Variants in GRIK1 observed in about 807,000 individuals in gnomAD.
The protein encoded by GRIK1 is glutamate ionotropic receptor kainate type subunit 1.
GRIK1 carries 69 observed loss-of-function variants against 105.7 expected under a neutral mutation model. The ratio of observed to expected loss-of-function variants is 0.65; its 90% CI spans 0.54 to 0.80. The LOEUF (loss-of-function observed/expected upper bound fraction) is 0.80. GRIK1 is among the 30% of genes least tolerant of loss of function. The pLI is 0.00. For missense variants in GRIK1, 1,109 were observed against 1,167.3 expected (o/e 0.95, Z 0.73); for synonymous variants, 438 against 431.3 (o/e 1.02, Z -0.19).
chr21:29,596,299 A>G (rs1324201371), intron 9 of GRIK1: 1 of 667,582 alleles, frequency 1.5e-6, no homozygotes, highest in East Asian at 2.9e-5. Context: ...TGGGGGAAAT[A>G]TTTAATCCAT....
rs926405073 is a variant in GRIK1, at chr21:29,689,580, A to G, written c.544+148T>C. 4 of 699,932 alleles carry G rather than the reference A, an allele frequency of 5.7e-6. No homozygotes were observed. In the African/African-American group the frequency reaches 7.1e-5, roughly 12 times the overall value. 43.4% of individuals were successfully genotyped at this position (699,932 alleles called of 1,614,324 possible). On this transcript the variant is annotated intron_variant, in intron 3 of 17. Coordinates refer to ENST00000327783, the MANE Select transcript of GRIK1 (RefSeq NM_001330994.2). ...AGAAATGTGAATTATATACACATGCATTATTAAATTACTTCAGAATATTCA... is the reference window on the plus strand; with the variant it reads ...AGAAATGTGAATTATATACACATGCGTTATTAAATTACTTCAGAATATTCA...
intron 1 of GRIK1, among the ~76,000 whole-genome samples, chr21:29,901,297 C>G (rs987164507): frequency 6.6e-5 from 10 of 152,064 alleles, no homozygotes; most frequent in Admixed American, 2.0e-4. Context: ...TAACTAAGAT[C>G]AGAGCAGAAC....
At chr21:29,925,425 A>G (rs1366182675) in intron 1 of GRIK1, among the ~76,000 whole-genome samples, 1 of 152,204 alleles carries the variant, frequency 6.6e-6, no homozygotes, top group Non-Finnish European at 1.5e-5. Context: ...ATCAGATTAT[A>G]ATATATGTAT....
At chr21:29,754,027 C>T (rs1297068772) in intron 1 of GRIK1, among the ~76,000 whole-genome samples, 1 of 152,102 alleles carries the variant, frequency 6.6e-6, no homozygotes, top group Non-Finnish European at 1.5e-5. Context: ...CAGGCAGACT[C>T]ATTACCAAAA....
intron 1 of GRIK1, among the ~76,000 whole-genome samples, chr21:29,855,439 T>A (rs142420745): frequency 6.6e-6 from 1 of 152,106 alleles, no homozygotes; most frequent in African/African-American, 2.4e-5. Context: ...GAGGAAGAGA[T>A]TTCCAGCAGA....
chr21:29,672,218 C>T (rs1277022371), intron 4 of GRIK1, among the ~76,000 whole-genome samples: 4 of 151,800 alleles, frequency 2.6e-5, no homozygotes, highest in Non-Finnish European at 4.4e-5. Context: ...CCACCATGCC[C>T]GGCTAATTTC....
chr21:29,718,306 G>T (rs2064228528), intron 1 of GRIK1, among the ~76,000 whole-genome samples: 1 of 152,182 alleles, frequency 6.6e-6, no homozygotes, highest in Admixed American at 6.5e-5. Context: ...AAATGTAAGA[G>T]TCTGGATTGG....
chr21:29,897,233 T>C (rs2070203500), intron 1 of GRIK1, among the ~76,000 whole-genome samples: 1 of 152,124 alleles, frequency 6.6e-6, no homozygotes, highest in African/African-American at 2.4e-5. Flanking sequence ...CAAGCTTAGC[T>C]AGTTCGGTGG....
At chr21:29,656,674 G>C (rs2062860412) in intron 4 of GRIK1, among the ~76,000 whole-genome samples, 2 of 152,140 alleles carry the variant, frequency 1.3e-5, no homozygotes, top group Non-Finnish European at 2.9e-5. Flanking sequence ...GAAAAGGTCT[G>C]GGGAAAGACA....
chr21:29,845,412 C>A (rs916521886), intron 1 of GRIK1, among the ~76,000 whole-genome samples: 8 of 152,124 alleles, frequency 5.3e-5, no homozygotes, highest in African/African-American at 1.9e-4. Context: ...ATATTTCAAG[C>A]CTGTCTGTCA....
chr21:29,755,133 G>A (rs2065303251), intron 1 of GRIK1, among the ~76,000 whole-genome samples: 1 of 152,172 alleles, frequency 6.6e-6, no homozygotes, highest in Admixed American at 6.5e-5. Flanking sequence ...TGTAGTGATG[G>A]ATAAAAACAA....
intron 4 of GRIK1, among the ~76,000 whole-genome samples, chr21:29,668,614 A>G (rs1370164659): frequency 6.6e-6 from 1 of 152,228 alleles, no homozygotes; most frequent in Admixed American, 6.5e-5. Context: ...TCAATTTTCA[A>G]TTGCAAAAGA....
At chr21:29,674,287 TTGTG>T (rs58544191) in intron 3 of GRIK1, among the ~76,000 whole-genome samples, 7 of 145,748 alleles carry the variant, frequency 4.8e-5, no homozygotes, top group Admixed American at 1.4e-4. Context: ...GAAGTTACAT[TTGTG>T]TGTGTGTGTG....
intron 1 of GRIK1, among the ~76,000 whole-genome samples, chr21:29,742,859 A>G (rs542033416): frequency 8.5e-5 from 13 of 152,194 alleles, no homozygotes; most frequent in South Asian, 6.2e-4. Flanking sequence ...TTTTTTTCTC[A>G]TTGCTTTGAG....
At chr21:29,639,100 T>C (rs2062456223) in intron 7 of GRIK1, among the ~76,000 whole-genome samples, 1 of 152,234 alleles carries the variant, frequency 6.6e-6, no homozygotes, top group African/African-American at 2.4e-5. Context: ...TGGACAGGTC[T>C]AGTCCAGCTC....
At chr21:29,610,246 G>T (rs768688839) in intron 7 of GRIK1, among the ~76,000 whole-genome samples, 1 of 152,110 alleles carries the variant, frequency 6.6e-6, no homozygotes, top group Non-Finnish European at 1.5e-5. Flanking sequence ...GTGTGGTAGG[G>T]TGAATAAATG....
Position 29,561,864 on chromosome 21 carries a change from AACACAC to A in GRIK1, c.2131-21_2131-16del. ...ATTTTTGATTTCTGGAGGGAAAGAA[AACACAC>A]TCACCAGCAGAAGAGGGCTGGAAAA... is the stretch of plus-strand genomic sequence containing the variant. On this transcript the variant is annotated splice_polypyrimidine_tract_variant and intron_variant, in intron 14 of 17. Coordinates refer to ENST00000327783, the MANE Select transcript of GRIK1 (RefSeq NM_001330994.2). 1 of 1,493,516 alleles carries A rather than the reference AACACAC, an allele frequency of 6.7e-7. No homozygotes were observed. 92.5% of individuals were successfully genotyped at this position (1,493,516 alleles called of 1,614,324 possible).
rs545719612 is a variant in GRIK1 at position 29,690,559 on chromosome 21, A to T, written c.287-574T>A. Among the ~76,000 whole-genome samples the T allele has an allele frequency of 2.6e-5, 4 of 152,358 alleles. No homozygotes were observed. In the South Asian group the frequency reaches 8.3e-4, roughly 32 times the overall value. On this transcript the variant is annotated intron_variant, in intron 2 of 17. Transcript: ENST00000327783. ...TAATTTTCAAATAATGAAATAGCATAGCTTAAAGGGATCTCAGAAGACATT... is the reference window on the plus strand; with the variant it reads ...TAATTTTCAAATAATGAAATAGCATTGCTTAAAGGGATCTCAGAAGACATT...
intron 3 of GRIK1, among the ~76,000 whole-genome samples, chr21:29,686,465 G>A (rs183787785): frequency 6.6e-6 from 1 of 152,328 alleles, no homozygotes; most frequent in East Asian, 1.9e-4. Context: ...AGTTTTGGAT[G>A]TGAGCTGAAC....
Sources: allele counts gnomAD v4.1 joint callset (sites outside exome capture counted in the v4.1 genomes callset), GRCh38; gene constraint gnomAD v4.1.1; transcripts MANE v1.5; gene names NCBI Gene and HGNC (gene_info 2026-07-23, HGNC 2026-07-21).